The following MTUS2 variants were observed in gnomAD, a reference collection of about 807,000 sequenced individuals.
MTUS2 encodes microtubule-associated tumor suppressor candidate 2.
In MTUS2, 40 loss-of-function variants were observed where a neutral mutation model predicts 114.1. That is an observed-to-expected ratio of 0.35 (90% confidence interval 0.27 to 0.46). The LOEUF is 0.46. Among genes scored for constraint, MTUS2 ranks in the 20% least tolerant of loss-of-function variants. The pLI, the probability that MTUS2 is intolerant of heterozygous loss-of-function variation, is 1.00. For synonymous variants in MTUS2, 688 were observed against 672.0 expected, an observed-to-expected ratio of 1.02 and a Z score of -0.37; for missense variants, 1,679 against 1,705.4, an observed-to-expected ratio of 0.98 and a Z score of 0.27.
intron 5 of MTUS2, among the ~76,000 whole-genome samples, chr13:29,111,129 G>C: frequency 6.6e-6 from 1 of 152,184 alleles, no homozygotes; most frequent in Non-Finnish European, 1.5e-5. Context: ...GTAAGGAATA[G>C]TAGAATTGTG....
chr13:28,870,492 C>T (rs1877555556), intron 2 of MTUS2, among the ~76,000 whole-genome samples: 1 of 152,126 alleles, frequency 6.6e-6, no homozygotes, highest in Admixed American at 6.5e-5. Flanking sequence ...CTCTGGTTGG[C>T]CCATTCCCCA....
chr13:29,109,590 TTC>T (rs1424635162), intron 5 of MTUS2, among the ~76,000 whole-genome samples: 13 of 152,326 alleles, frequency 8.5e-5, no homozygotes, highest in African/African-American at 2.6e-4. Context: ...TGCTTAATTT[TTC>T]TCTGTTTCCT....
intron 5 of MTUS2, among the ~76,000 whole-genome samples, chr13:29,232,388 C>T (rs1207564749): frequency 6.6e-6 from 1 of 151,866 alleles, no homozygotes; most frequent in Non-Finnish European, 1.5e-5. Context: ...CAGTTTAAAA[C>T]CTCAGTTTTA....
rs1874711966 is a variant in MTUS2 at position 29,405,839 on chromosome 13, T to G, written c.3118-34144T>G. ...CACTGCAACCTCCGCCTCCCGGGTT[T>G]AAGCGACTCTCCTGCCTCAGCCTCT... On this transcript the variant is annotated intron_variant, in intron 8 of 15. Coordinates refer to ENST00000612955, the MANE Select transcript of MTUS2 (RefSeq NM_001033602.4). 4.6e-5 allele frequency among the ~76,000 whole-genome samples: 7 copies of G among 151,608 alleles called. No individual in the cohort carries two copies. In the South Asian group the frequency reaches 1.5e-3, roughly 32 times the overall value.
intron 2 of MTUS2, among the ~76,000 whole-genome samples, chr13:28,980,404 A>T (rs1421101982): frequency 2.6e-5 from 4 of 152,240 alleles, no homozygotes; most frequent in African/African-American, 4.8e-5. Context: ...CCCACAGGCC[A>T]ACATGCTAGT....
chr13:29,332,227 C>T (rs1429022416), intron 7 of MTUS2, among the ~76,000 whole-genome samples: 3 of 152,162 alleles, frequency 2.0e-5, no homozygotes, highest in Admixed American at 2.0e-4. Flanking sequence ...ATTACTGCCT[C>T]AATTTCAGAA....
intron 1 of MTUS2, among the ~76,000 whole-genome samples, chr13:28,825,882 GGGAGGTGGCATTTATA>G (rs1198266181): frequency 3.3e-5 from 5 of 152,148 alleles, no homozygotes; most frequent in Non-Finnish European, 5.9e-5. Context: ...GCTGGCATTG[GGGAGGTGGCATTTATA>G]GGAGTCTGGT....
At chr13:29,299,617 C>T (rs1899104989) in intron 6 of MTUS2, among the ~76,000 whole-genome samples, 1 of 152,140 alleles carries the variant, frequency 6.6e-6, no homozygotes. Flanking sequence ...AGAAAACATG[C>T]TGGCAGAGAC....
At chr13:28,967,294 A>T (rs917676250) in intron 2 of MTUS2, among the ~76,000 whole-genome samples, 1 of 152,140 alleles carries the variant, frequency 6.6e-6, no homozygotes, top group Non-Finnish European at 1.5e-5. Context: ...TTTACTATTT[A>T]TATTGCCGGG....
At chr13:29,211,319 C>A (rs1895422667) in intron 5 of MTUS2, among the ~76,000 whole-genome samples, 1 of 152,272 alleles carries the variant, frequency 6.6e-6, no homozygotes, top group African/African-American at 2.4e-5. Flanking sequence ...TCACTCCCAC[C>A]ATGTCCCCCC....
chr13:29,428,631 C>A, intron 8 of MTUS2: 2 of 185,534 alleles, frequency 1.1e-5, no homozygotes, highest in Non-Finnish European at 1.7e-5. Context: ...GCAGCAAGAT[C>A]TGATCGCTGC....
At chr13:29,150,337 C>T (rs187826101) in intron 5 of MTUS2, among the ~76,000 whole-genome samples, 1 of 151,856 alleles carries the variant, frequency 6.6e-6, no homozygotes, top group Non-Finnish European at 1.5e-5. Context: ...TTTATTGGCT[C>T]CTCGTATGTC....
intron 6 of MTUS2, chr13:29,306,791 A>G: frequency 2.8e-6 from 1 of 356,464 alleles, no homozygotes; most frequent in South Asian, 2.2e-5. Context: ...GTGAAGGTGA[A>G]GGCCAGAGTC....
chr13:29,392,924 C>T (rs909690200), intron 8 of MTUS2, among the ~76,000 whole-genome samples: 9 of 152,030 alleles, frequency 5.9e-5, no homozygotes, highest in South Asian at 4.2e-4. Flanking sequence ...CTTAAAAAAC[C>T]GATAAGTGGC....
At chr13:29,473,442 T>C (rs1183968504) in intron 9 of MTUS2, among the ~76,000 whole-genome samples, 2 of 152,190 alleles carry the variant, frequency 1.3e-5, no homozygotes, top group Non-Finnish European at 2.9e-5. Context: ...ATTTATGAAC[T>C]GTGGTTGAAA....
intron 2 of MTUS2, among the ~76,000 whole-genome samples, chr13:28,851,401 A>T (rs1013384559): frequency 6.6e-5 from 10 of 152,232 alleles, no homozygotes; most frequent in African/African-American, 2.4e-4. Context: ...CTGATCTACA[A>T]AGAAAAGGAA....
chr13:29,214,843 G>A (rs1045316974), intron 5 of MTUS2, among the ~76,000 whole-genome samples: 1 of 152,060 alleles, frequency 6.6e-6, no homozygotes, highest in Non-Finnish European at 1.5e-5. Context: ...GTGTCTTGGG[G>A]TTGCTCTTCT....
At chr13:29,201,294 G>A (rs1593594782) in intron 5 of MTUS2, among the ~76,000 whole-genome samples, 1 of 150,762 alleles carries the variant, frequency 6.6e-6, no homozygotes, top group African/African-American at 2.4e-5. Context: ...GATCTTTGTT[G>A]GTTTAAAGTC....
intron 6 of MTUS2, among the ~76,000 whole-genome samples, chr13:29,288,708 A>T (rs745526256): frequency 3.9e-5 from 6 of 152,160 alleles, no homozygotes; most frequent in Non-Finnish European, 8.8e-5. Flanking sequence ...TGGAGGCTCC[A>T]CTTGACTTGG....
Sources: allele counts gnomAD v4.1 joint callset (sites outside exome capture counted in the v4.1 genomes callset), GRCh38; gene constraint gnomAD v4.1.1; transcripts MANE v1.5; gene names NCBI Gene and HGNC (gene_info 2026-07-23, HGNC 2026-07-21).